The following CPS1 variants were observed in gnomAD, a reference collection of about 807,000 sequenced individuals.
The protein encoded by CPS1 is carbamoyl-phosphate synthase [ammonia], mitochondrial.
CPS1 carries 109 observed loss-of-function variants against 174.6 expected under a neutral mutation model. The observed-to-expected ratio is 0.62, with a 90% confidence interval of 0.53 to 0.73. CPS1 has a LOEUF of 0.73. Among genes scored for constraint, CPS1 ranks in the 30% least tolerant of loss-of-function variants. The pLI is 0.00. For missense variants in CPS1, 1,689 were observed against 1,821.9 expected (o/e 0.93, Z 1.33); for synonymous variants, 637 against 632.0 (o/e 1.01, Z -0.12).
At position 210,656,558 on chromosome 2, in the gene CPS1, G is replaced by T; in HGVS notation, c.3592G>T (p.Asp1198Tyr). The T allele has an allele frequency of 1.2e-6, 2 of 1,605,614 alleles. No individual in the cohort carries two copies. Among genetic ancestry groups the T allele is most frequent in the Non-Finnish European group, 1.7e-6 (2 of 1,177,990 alleles). The stretch of plus-strand genomic sequence containing the variant: ...TCATGCCATCTCTGAACATGTTGAA[G>T]ATGCAGGTGTCCACTCGGGAGATGC... Reference protein sequence around the residue: ...ISHAISEHVEDAGVHSGDATL... With the variant: ...ISHAISEHVEYAGVHSGDATL... The change falls in exon 30 of 38, where the codon GAT becomes TAT. Residue 1198 changes from aspartate (D) to tyrosine (Y), a missense_variant. Transcript: ENST00000233072.
chr2:210,520,403 C>T (rs1695789668), intron 1 of CPS1, among the ~76,000 whole-genome samples: 2 of 151,880 alleles, frequency 1.3e-5, no homozygotes, highest in African/African-American at 4.8e-5. Context: ...CCTATCAACC[C>T]GCCATCTAGG....
intron 1 of CPS1, among the ~76,000 whole-genome samples, chr2:210,568,952 C>CATAT (rs1163454391): frequency 1.3e-5 from 2 of 151,922 alleles, no homozygotes; most frequent in African/African-American, 4.8e-5. Flanking sequence ...GGTAGGAGAG[C>CATAT]ATATGCTTTT....
At chr2:210,666,888 A>T (rs1366492634) in intron 33 of CPS1, among the ~76,000 whole-genome samples, 2 of 152,074 alleles carry the variant, frequency 1.3e-5, no homozygotes, top group African/African-American at 2.4e-5. Context: ...CTTGATGGGG[A>T]TGGCATTGAA....
In CPS1 at chr2:210,541,136, G is replaced by T. The variant is rs1037279982; in HGVS notation, c.4-15583G>T. Among the ~76,000 whole-genome samples the T allele has an allele frequency of 2.0e-4, 30 of 152,274 alleles. 1 individual carries two copies. Among genetic ancestry groups the T allele is most frequent in the South Asian group, 4.1e-4 (2 of 4,826 alleles). On this transcript the variant is annotated intron_variant, in intron 1 of 38. Coordinates refer to the CPS1 transcript ENST00000430249. Reference sequence around the variant, plus strand: ...ACTCAGATCATCGGGAGTGCACTCAGTCCAGAGGGACAAATGTTCAGAGTC... The same window carrying T: ...ACTCAGATCATCGGGAGTGCACTCATTCCAGAGGGACAAATGTTCAGAGTC...
At chr2:210,653,083 C>A (rs1574644805) in intron 28 of CPS1, among the ~76,000 whole-genome samples, 1 of 152,170 alleles carries the variant, frequency 6.6e-6, no homozygotes, top group East Asian at 1.9e-4. Flanking sequence ...GAGAAGGATT[C>A]AGGGAGGAGA....
At chr2:210,630,040 T>A (rs1160859529) in intron 21 of CPS1, among the ~76,000 whole-genome samples, 2 of 148,288 alleles carry the variant, frequency 1.3e-5, no homozygotes, top group Non-Finnish European at 3.0e-5. Context: ...GCCACTGCAC[T>A]CCAGCCTGGG....
exon 1 of CPS1, chr2:210,477,761 C>T: frequency 6.2e-7 from 1 of 1,613,380 alleles, no homozygotes; most frequent in Non-Finnish European, 8.5e-7. Context: ...TTAGCCGAGG[C>T]CCATGGTGAG....
chr2:210,634,476 C>G (rs911551476), intron 21 of CPS1, among the ~76,000 whole-genome samples: 1 of 152,124 alleles, frequency 6.6e-6, no homozygotes, highest in Admixed American at 6.5e-5. Context: ...TAATTTCTCT[C>G]TCTCTCTCTT....
intron 1 of CPS1, among the ~76,000 whole-genome samples, chr2:210,483,352 G>A (rs1037261643): frequency 2.2e-4 from 34 of 152,180 alleles, no homozygotes; most frequent in East Asian, 7.7e-4. Context: ...TACTTTACTC[G>A]AACTATTTCC....
intron 1 of CPS1, among the ~76,000 whole-genome samples, chr2:210,560,004 A>G (rs1370437836): frequency 1.3e-5 from 2 of 152,142 alleles, no homozygotes; most frequent in Non-Finnish European, 2.9e-5. Context: ...TATGTTTTTT[A>G]TGGACTACAA....
At chr2:210,511,282 G>GA (rs1276762854) in intron 1 of CPS1, among the ~76,000 whole-genome samples, 1 of 151,526 alleles carries the variant, frequency 6.6e-6, no homozygotes, top group Admixed American at 6.6e-5. Context: ...ATCGCAAGGA[G>GA]AAAAAACCAA....
chr2:210,675,880 G>C (rs3213783), intron 36 of CPS1, 40 bp downstream of exon 36: 4 of 954,410 alleles, frequency 4.2e-6, no homozygotes, highest in African/African-American at 1.6e-5. Flanking sequence ...TAATTTAGAG[G>C]ATTAACTTTG....
intron 25 of CPS1, among the ~76,000 whole-genome samples, chr2:210,643,045 T>TTTC (rs1491219315): frequency 6.6e-6 from 1 of 152,340 alleles, no homozygotes; most frequent in African/African-American, 2.4e-5. Context: ...AAACAGCCTC[T>TTTC]TTCTAGTTTG....
chr2:210,607,884 A>C (rs1481358417), intron 18 of CPS1, among the ~76,000 whole-genome samples: 1 of 151,906 alleles, frequency 6.6e-6, no homozygotes, highest in Non-Finnish European at 1.5e-5. Context: ...ATTTGGAGAC[A>C]GAGCAAGGAC....
rs76925954 is a variant in CPS1 at position 210,591,590 on chromosome 2, C to T, written c.948-241C>T. 0.021 allele frequency among the ~76,000 whole-genome samples: 3,177 copies of T among 152,034 alleles called. 50 individuals carry two copies. Among genetic ancestry groups the T allele is most frequent in the Middle Eastern group, 0.034 (10 of 292 alleles). On this transcript the variant is annotated intron_variant, in intron 9 of 37. Coordinates refer to ENST00000233072, the MANE Select transcript of CPS1 (RefSeq NM_001875.5). The stretch of plus-strand genomic sequence containing the variant: ...GAGTGCAATGCCCCCCTTTCTAAAA[C>T]CGATTATAGAATTTAATAGACCTGC...
At chr2:210,675,592 G>A (rs1219444631) in intron 35 of CPS1, 136 bp from the exon 36 acceptor site, 5 of 707,172 alleles carry the variant, frequency 7.1e-6, no homozygotes, top group African/African-American at 1.8e-5. Context: ...TGGACTGTGA[G>A]TCCAAGTCTC....
At chr2:210,487,689 CT>C (rs34525280) in intron 1 of CPS1, among the ~76,000 whole-genome samples, 7 of 148,736 alleles carry the variant, frequency 4.7e-5, no homozygotes, top group Non-Finnish European at 6.0e-5. Context: ...CATTGTGATG[CT>C]TTTTTTTTTA....
At chr2:210,542,130 G>C (rs960172684) in intron 1 of CPS1, among the ~76,000 whole-genome samples, 1 of 152,050 alleles carries the variant, frequency 6.6e-6, no homozygotes, top group Non-Finnish European at 1.5e-5. Flanking sequence ...TTCCTTTCAA[G>C]ATAACCTTAA....
exon 1 of CPS1, chr2:210,477,719 T>C: frequency 6.2e-7 from 1 of 1,610,562 alleles, no homozygotes; most frequent in Non-Finnish European, 8.5e-7. Flanking sequence ...GAAATGTAGT[T>C]GCTTTCTTAA....
Sources: gnomAD v4.1 joint callset for allele counts (sites outside exome capture counted in the v4.1 genomes callset) on GRCh38, gnomAD v4.1.1 for gene constraint, MANE v1.5 for transcripts, NCBI Gene and HGNC (gene_info 2026-07-23, HGNC 2026-07-21) for gene names.